STK32B: variants seen among roughly 807,000 people sequenced by gnomAD.
STK32B encodes the protein serine/threonine kinase 32B.
In STK32B, 43 loss-of-function variants were observed where a neutral mutation model predicts 52.6. The ratio of observed to expected loss-of-function variants is 0.82; its 90% CI spans 0.64 to 1.05. The LOEUF is 1.05. Among genes scored for constraint, STK32B ranks in the 50% least tolerant of loss-of-function variants. The probability of loss-of-function intolerance (pLI) is 0.00; values close to 1 mark genes in which losing one functional copy is unlikely to be tolerated. For missense variants in STK32B, 621 were observed against 534.6 expected (o/e 1.16, Z -1.59); for synonymous variants, 238 against 204.3 (o/e 1.17, Z -1.41).
At position 5,331,399 on chromosome 4, in the gene STK32B, T is replaced by A; in HGVS notation, c.434+6T>A. On this transcript the variant is annotated splice_donor_region_variant and intron_variant, in intron 4 of 11. Transcript: ENST00000282908. ...AGGTACCACATCATCCACAGGTAAC[T>A]GGGCTGCTGGCGGGATGCCTGGGAC... The A allele has an allele frequency of 6.2e-7, 1 of 1,604,320 alleles. No homozygotes were observed. Among genetic ancestry groups the A allele is most frequent in the South Asian group, 1.1e-5 (1 of 89,616 alleles).
chr4:5,246,442 C>G (rs1325172542), intron 3 of STK32B, among the ~76,000 whole-genome samples: 1 of 152,200 alleles, frequency 6.6e-6, no homozygotes, highest in Non-Finnish European at 1.5e-5. Context: ...TTAAGGACTT[C>G]TCTGCATTGG....
At chr4:5,156,206 ATACACT>A (rs1270319136) in intron 2 of STK32B, among the ~76,000 whole-genome samples, 4 of 151,868 alleles carry the variant, frequency 2.6e-5, no homozygotes, top group Non-Finnish European at 5.9e-5. Flanking sequence ...CTATATGTAC[ATACACT>A]TACACATATA....
chr4:5,403,048 A>C (rs78899663), intron 5 of STK32B, among the ~76,000 whole-genome samples: 4,609 of 152,188 alleles, frequency 0.03, 229 homozygotes, highest in African/African-American at 0.1. Context: ...TGTTTTCTTT[A>C]TTTAATATTC....
chr4:5,388,453 T>C (rs1339420306), intron 4 of STK32B, among the ~76,000 whole-genome samples: 2 of 152,198 alleles, frequency 1.3e-5, no homozygotes, highest in Non-Finnish European at 2.9e-5. Context: ...GAGTAAGGAT[T>C]TGAACTGCTG....
At chr4:5,107,725 G>A (rs1000280773) in intron 1 of STK32B, among the ~76,000 whole-genome samples, 1 of 152,178 alleles carries the variant, frequency 6.6e-6, no homozygotes, top group African/African-American at 2.4e-5. Context: ...CAGAATAAAT[G>A]TTTAAGTATT....
chr4:5,035,653 C>T, the STK32B span, among the ~76,000 whole-genome samples: 5 of 152,052 alleles, frequency 3.3e-5, no homozygotes, highest in East Asian at 1.9e-4. Context: ...GGAGGCTGGG[C>T]GATGGACTTC....
At chr4:5,317,099 TATAATATATA>T (rs1341129211) in intron 3 of STK32B, among the ~76,000 whole-genome samples, 1 of 38,764 alleles carries the variant, frequency 2.6e-5, no homozygotes, top group Non-Finnish European at 3.7e-5. Flanking sequence ...ATATATATGA[TATAATATATA>T]ATATATATAA....
At chr4:5,229,379 G>T (rs1180556619) in intron 3 of STK32B, among the ~76,000 whole-genome samples, 2 of 152,132 alleles carry the variant, frequency 1.3e-5, no homozygotes, top group African/African-American at 2.4e-5. Context: ...TAACAAAACT[G>T]CATTGGTACC....
In STK32B at chr4:5,252,796, G is replaced by A. The variant is rs547916869; in HGVS notation, c.261-78424G>A. ...TTGGTTTTCCCATCTGCAAACTGGA[G>A]GCAGTAGTACCATAGAATCAGCATG... On this transcript the variant is annotated intron_variant, in intron 3 of 11. Transcript: ENST00000282908. Among the ~76,000 whole-genome samples the A allele has an allele frequency of 5.9e-5, 9 of 152,232 alleles. No homozygotes were observed. The East Asian group carries it at 1.7e-3, about 29-fold the overall frequency.
Position 5,051,779 on chromosome 4 carries a change from G to A in STK32B, c.-85G>A, listed in dbSNP as rs1179616436. 4 of 1,534,060 alleles carry A rather than the reference G, an allele frequency of 2.6e-6. No homozygotes were observed. Among genetic ancestry groups the A allele is most frequent in the Admixed American group, 4.0e-5 (2 of 49,706 alleles). On this transcript the variant is annotated 5_prime_UTR_variant, in exon 1 of 12. Coordinates refer to ENST00000282908, the MANE Select transcript of STK32B (RefSeq NM_018401.3). ...ACAACCCGGACTGGGCGCGCCCCCGGCATCCCGCATCTCTGCGCGCGTCCC... is the reference window on the plus strand; with the variant it reads ...ACAACCCGGACTGGGCGCGCCCCCGACATCCCGCATCTCTGCGCGCGTCCC...
chr4:5,134,655 T>A (rs1715965192), intron 1 of STK32B, among the ~76,000 whole-genome samples: 1 of 152,226 alleles, frequency 6.6e-6, no homozygotes. Context: ...CAAAACAATT[T>A]TAATCATTGG....
intron 3 of STK32B, among the ~76,000 whole-genome samples, chr4:5,249,433 T>TA (rs1560259168): frequency 0.017 from 2,291 of 138,482 alleles, 41 homozygotes; most frequent in Non-Finnish European, 0.025. Flanking sequence ...CTTCCTTCCT[T>TA]CCTACCTACC....
intron 3 of STK32B, among the ~76,000 whole-genome samples, chr4:5,245,486 T>G (rs1207135491): frequency 1.3e-5 from 2 of 152,196 alleles, no homozygotes; most frequent in African/African-American, 2.4e-5. Flanking sequence ...GAGATGGGTT[T>G]CCTGAATACA....
At chr4:5,128,868 T>G (rs1373564726) in intron 1 of STK32B, among the ~76,000 whole-genome samples, 3 of 152,210 alleles carry the variant, frequency 2.0e-5, no homozygotes, top group African/African-American at 7.2e-5. Context: ...ATCAGAGCCA[T>G]GAATGTTAGT....
At chr4:5,036,610 C>T in the STK32B span, among the ~76,000 whole-genome samples, 1 of 150,018 alleles carries the variant, frequency 6.7e-6, no homozygotes, top group Non-Finnish European at 1.5e-5. Context: ...CAAAATTCCA[C>T]TTGAAACACT....
At chr4:5,340,760 C>T (rs1182766479) in intron 4 of STK32B, among the ~76,000 whole-genome samples, 1 of 152,170 alleles carries the variant, frequency 6.6e-6, no homozygotes, top group Admixed American at 6.5e-5. Flanking sequence ...TATACATATA[C>T]ATACATGTGT....
intron 2 of STK32B, among the ~76,000 whole-genome samples, chr4:5,166,294 C>T (rs776377241): frequency 3.3e-5 from 5 of 151,612 alleles, no homozygotes; most frequent in African/African-American, 7.3e-5. Context: ...AGTTGAGCCT[C>T]GAGAAAGCAC....
chr4:5,134,392 C>T (rs1366464019), intron 1 of STK32B, among the ~76,000 whole-genome samples: 1 of 152,110 alleles, frequency 6.6e-6, no homozygotes, highest in Non-Finnish European at 1.5e-5. Flanking sequence ...CAAGCTTAGC[C>T]CCCTCTTGCT....
At chr4:5,477,574 G>A (rs1265951396) in intron 11 of STK32B, among the ~76,000 whole-genome samples, 1 of 152,160 alleles carries the variant, frequency 6.6e-6, no homozygotes, top group African/African-American at 2.4e-5. Context: ...CAACAACCAA[G>A]TGTGTTCCTT....
Sources: allele counts gnomAD v4.1 joint callset (sites outside exome capture counted in the v4.1 genomes callset), GRCh38; gene constraint gnomAD v4.1.1; transcripts MANE v1.5; gene names NCBI Gene and HGNC (gene_info 2026-07-23, HGNC 2026-07-21).